SOD2: variants seen among roughly 807,000 people sequenced by gnomAD.
SOD2 encodes the protein superoxide dismutase [Mn], mitochondrial.
SOD2 carries 11 observed loss-of-function variants against 27.0 expected under a neutral mutation model. The observed-to-expected ratio is 0.41, with a 90% CI of 0.26 to 0.67. The LOEUF (loss-of-function observed/expected upper bound fraction) is 0.67. SOD2 is among the 30% of genes least tolerant of loss of function. The pLI, the probability that SOD2 is intolerant of heterozygous loss-of-function variation, is 0.34. For missense variants in SOD2, 250 were observed against 274.5 expected (o/e 0.91, Z 0.63); for synonymous variants, 105 against 103.0 (o/e 1.02, Z -0.12).
At chr6:159,692,507 T>G (rs1777259650) in intron 2 of SOD2, 154 bp downstream of exon 2, 1 of 1,458,440 alleles carries the variant, frequency 6.9e-7, no homozygotes, top group South Asian at 1.4e-5. Context: ...GTAGACCATG[T>G]GTTTAAAAGA....
chr6:159,732,092 G>A (rs1778607041), upstream of SOD2, among the ~76,000 whole-genome samples: 1 of 152,102 alleles, frequency 6.6e-6, no homozygotes, highest in Non-Finnish European at 1.5e-5. Flanking sequence ...TCTGCCCTTT[G>A]CATACTCAGG....
intron 1 of SOD2, among the ~76,000 whole-genome samples, chr6:159,717,741 AC>A (rs1356908507): frequency 2.6e-5 from 4 of 152,006 alleles, no homozygotes; most frequent in Non-Finnish European, 5.9e-5. Flanking sequence ...GTCTCTAGTA[AC>A]CGCTATTCTA....
At chr6:159,692,333 A>C in intron 2 of SOD2, 1 of 1,067,068 alleles carries the variant, frequency 9.4e-7, no homozygotes, top group Non-Finnish European at 1.2e-6. Flanking sequence ...AAAACGAGTG[A>C]CACAGTAGAG....
chr6:159,685,150 C>T lies in SOD2; in HGVS notation c.344-117G>A, dbSNP rs185804752. 1,801 of 495,842 alleles carry T rather than the reference C, an allele frequency of 3.6e-3. 7 individuals carry two copies. The highest frequency in any genetic ancestry group is 4.4e-3 in the Non-Finnish European group (1,387 of 315,342). The allele number at this position is 495,842 out of a possible 1,614,324, so 30.7% of individuals were successfully genotyped here. On this transcript the variant is annotated intron_variant, in intron 3 of 4. Coordinates refer to ENST00000538183, the MANE Select transcript of SOD2 (RefSeq NM_000636.4). ...TCATAGGGCCCAAGAAATTAGACAA[C>T]ATCAGAATGCGACACCTGGATCTAA...
At chr6:159,745,476 C>A (rs990114080), upstream of SOD2, among the ~76,000 whole-genome samples, 9 of 151,770 alleles carry the variant, frequency 5.9e-5, no homozygotes, top group Non-Finnish European at 1.3e-4. Context: ...CTGCATACGC[C>A]AGCTGAACAA....
chr6:159,686,530 C>T (rs1780193396), intron 3 of SOD2, among the ~76,000 whole-genome samples: 1 of 152,102 alleles, frequency 6.6e-6, no homozygotes, highest in Admixed American at 6.6e-5. Context: ...CACCTATAAT[C>T]CCAGCTACTC....
chr6:159,696,726 C>T (rs1365666765), upstream of SOD2, among the ~76,000 whole-genome samples: 3 of 152,066 alleles, frequency 2.0e-5, no homozygotes, highest in Non-Finnish European at 2.9e-5. Flanking sequence ...ACAGCCTAGC[C>T]ACAAAGGAAG....
intron 1 of SOD2, among the ~76,000 whole-genome samples, chr6:159,738,405 C>A (rs543687971): frequency 1.3e-5 from 2 of 152,212 alleles, no homozygotes; most frequent in South Asian, 4.1e-4. Flanking sequence ...CAAATTGTTT[C>A]ATGTATCAGT....
rs1017863978 is a variant in SOD2 at position 159,757,437 on chromosome 6, G to A, written c.-336+3600C>T. The stretch of plus-strand genomic sequence containing the variant: ...TTTTTCTCTTTTTTTTTTTTGCCGA[G>A]AGTCTCGCTCTGCCACCCAGGCTGG... On this transcript the variant is annotated intron_variant, in intron 1 of 7. Coordinates refer to the SOD2 transcript ENST00000546087. Among the ~76,000 whole-genome samples, 2 of 144,728 alleles carry A rather than the reference G, an allele frequency of 1.4e-5. 1 individual carries two copies. The highest frequency in any genetic ancestry group is 4.3e-4 in the South Asian group (2 of 4,664). 94.9% of individuals were successfully genotyped at this position (144,728 alleles called of 152,430 possible). A position where few individuals can be genotyped will look rare whatever the true frequency, so the allele number is the denominator to read the frequency against.
At chr6:159,731,197 CACA>C (rs1778548465), upstream of SOD2, among the ~76,000 whole-genome samples, 1 of 151,392 alleles carries the variant, frequency 6.6e-6, no homozygotes, top group African/African-American at 2.4e-5. Context: ...CATGGTGGCT[CACA>C]ACTGTAGTCC....
upstream of SOD2, chr6:159,748,270 A>C: frequency 6.2e-7 from 1 of 1,614,100 alleles, no homozygotes; most frequent in South Asian, 1.1e-5. The surrounding 1 kb of genome is among the most constrained non-coding windows in gnomAD (Gnocchi z 5.6). Context: ...CCAGCGATCA[A>C]CTTGTTTTTC....
At chr6:159,722,612 C>T (rs945960343) in intron 1 of SOD2, among the ~76,000 whole-genome samples, 2 of 152,038 alleles carry the variant, frequency 1.3e-5, no homozygotes, top group Admixed American at 6.5e-5. Context: ...CCTAAATTTG[C>T]CCCCTGGGAG....
chr6:159,687,867 C>T (rs1780264788), intron 3 of SOD2, among the ~76,000 whole-genome samples: 1 of 151,932 alleles, frequency 6.6e-6, no homozygotes, highest in African/African-American at 2.4e-5. Context: ...AAAAATTAGC[C>T]AGGCGTGGTG....
Position 159,682,019 on chromosome 6 carries a change from C to T in SOD2, c.*474G>A, listed in dbSNP as rs1313049114. ...TGACCTAACAAAAACCACTGGGTGA[C>T]ATCTACCAGAAGTATCACTGCAGAG... On this transcript the variant is annotated 3_prime_UTR_variant, in exon 5 of 5. Transcript: ENST00000538183. The T allele has an allele frequency of 6.5e-6, 1 of 152,856 alleles. No homozygotes were observed. Among genetic ancestry groups the T allele is most frequent in the East Asian group, 1.9e-4 (1 of 5,200 alleles). The allele number at this position is 152,856 out of a possible 1,614,324, so 9.5% of individuals were successfully genotyped here.
At chr6:159,692,949 C>T (rs1373040367) in intron 1 of SOD2, 86 bp from the exon 2 acceptor site, 1 of 1,379,010 alleles carries the variant, frequency 7.3e-7, no homozygotes, top group Non-Finnish European at 9.5e-7. Flanking sequence ...CAGCGCGCGG[C>T]GTCCCCCGAG....
intron 1 of SOD2, 31 bp downstream of exon 1, chr6:159,693,113 TG>T: frequency 1.3e-6 from 2 of 1,526,640 alleles, no homozygotes; most frequent in East Asian, 2.6e-5. Flanking sequence ...CCTTCGCCCT[TG>T]GGGCCGTGAC....
At chr6:159,730,256 C>G (rs544240793), upstream of SOD2, among the ~76,000 whole-genome samples, 68 of 152,238 alleles carry the variant, frequency 4.5e-4, 2 homozygotes, top group Middle Eastern at 3.4e-3. Flanking sequence ...ATGTGTGATT[C>G]ATAAGAACTG....
rs1777876261 is a variant in SOD2, at chr6:159,713,858, A to C, written c.-116+13271T>G. 2.8e-6 allele frequency: 3 copies of C among 1,077,722 alleles called. No individual in the cohort carries two copies. The East Asian group carries it at 7.1e-5, about 25-fold the overall frequency. 66.8% of individuals were successfully genotyped at this position (1,077,722 alleles called of 1,614,324 possible). On this transcript the variant is annotated intron_variant, in intron 1 of 2. Coordinates refer to the SOD2 transcript ENST00000401980. ...TGGTCTGCCTTCTCCGGTGTAGATG[A>C]AACAAATACCTGATGTGCCATTTTG...
At chr6:159,685,571 C>T (rs947979187) in intron 3 of SOD2, among the ~76,000 whole-genome samples, 3 of 152,050 alleles carry the variant, frequency 2.0e-5, no homozygotes, top group African/African-American at 7.2e-5. Context: ...AGAGGGTACA[C>T]GCACAGGTTT....
Sources: allele counts gnomAD v4.1 joint callset (sites outside exome capture counted in the v4.1 genomes callset), GRCh38; gene constraint gnomAD v4.1.1; non-coding constraint Gnocchi (gnomAD v3.1); transcripts MANE v1.5; gene names NCBI Gene and HGNC (gene_info 2026-07-23, HGNC 2026-07-21).